The following RBFOX1 variants were observed in gnomAD, a reference collection of about 807,000 sequenced individuals.
The protein encoded by RBFOX1 is RNA binding fox-1 homolog 1.
A neutral mutation model predicts 57.7 loss-of-function variants in RBFOX1; 8 were observed. The ratio of observed to expected loss-of-function variants is 0.14; its 90% CI spans 0.08 to 0.25. RBFOX1 has a LOEUF of 0.25. Among genes scored for constraint, RBFOX1 ranks in the 10% least tolerant of loss-of-function variants. The pLI is 1.00. For synonymous variants in RBFOX1, 326 were observed against 222.4 expected (o/e 1.47, Z -4.15); for missense variants, 611 against 548.5 (o/e 1.11, Z -1.14).
At chr16:5,762,136 C>T (rs577082996) in intron 3 of RBFOX1, among the ~76,000 whole-genome samples, 1 of 152,266 alleles carries the variant, frequency 6.6e-6, no homozygotes, top group South Asian at 2.1e-4. Context: ...TGGCAAATAA[C>T]AAGCACTCAG....
rs949368381 is a variant in RBFOX1 at position 7,174,500 on chromosome 16, G to T, written c.27+122402G>T. Among the ~76,000 whole-genome samples, 6 of 152,192 alleles carry T rather than the reference G, an allele frequency of 3.9e-5. No homozygotes were observed. In the South Asian group the frequency reaches 6.2e-4, roughly 16 times the overall value. On this transcript the variant is annotated intron_variant, in intron 4 of 15. Coordinates refer to ENST00000550418, the MANE Select transcript of RBFOX1 (RefSeq NM_018723.4). Reference sequence around the variant, plus strand: ...TTGAGCTTAAGAAACCACTAAACTGGCTGGGCGCAGTGGCTCACACCTGCA... The same window carrying T: ...TTGAGCTTAAGAAACCACTAAACTGTCTGGGCGCAGTGGCTCACACCTGCA...
chr16:6,891,141 A>T (rs183031875), intron 3 of RBFOX1, among the ~76,000 whole-genome samples: 1 of 152,148 alleles, frequency 6.6e-6, no homozygotes, highest in Non-Finnish European at 1.5e-5. Flanking sequence ...GTTAAAGCCT[A>T]CTCATGTCTT....
At chr16:7,670,993 C>G (rs768762077) in intron 13 of RBFOX1, among the ~76,000 whole-genome samples, 4 of 152,210 alleles carry the variant, frequency 2.6e-5, no homozygotes, top group Non-Finnish European at 5.9e-5. Flanking sequence ...CTCATATATA[C>G]TCACAGTTCT....
intron 3 of RBFOX1, among the ~76,000 whole-genome samples, chr16:5,623,270 C>G (rs765345052): frequency 1.3e-5 from 2 of 152,126 alleles, no homozygotes; most frequent in African/African-American, 4.8e-5. Flanking sequence ...GGACAGGACT[C>G]TAGTGGATTT....
chr16:5,806,690 G>A (rs12925737), intron 3 of RBFOX1, among the ~76,000 whole-genome samples: 82,634 of 152,086 alleles, frequency 0.54, 23,613 homozygotes, highest in South Asian at 0.66. Context: ...GTCTTTGCCA[G>A]GGACTGTCAT....
intron 4 of RBFOX1, among the ~76,000 whole-genome samples, chr16:7,280,611 A>G (rs1307597456): frequency 6.6e-6 from 1 of 152,168 alleles, no homozygotes; most frequent in Non-Finnish European, 1.5e-5. Context: ...CTACCTTCGG[A>G]GAGCTCCGCA....
chr16:7,283,310 C>G (rs1025123736), intron 4 of RBFOX1, among the ~76,000 whole-genome samples: 1 of 151,888 alleles, frequency 6.6e-6, no homozygotes, highest in Admixed American at 6.6e-5. Flanking sequence ...GTCCCCCAAT[C>G]TGCCTCTGCA....
At chr16:7,231,274 G>C (rs1470492150) in intron 4 of RBFOX1, among the ~76,000 whole-genome samples, 1 of 152,130 alleles carries the variant, frequency 6.6e-6, no homozygotes, top group African/African-American at 2.4e-5. Context: ...GGCTTGGCTG[G>C]TTTGTCTTGT....
At chr16:5,270,504 G>C in intron 1 of RBFOX1, 1 of 671,502 alleles carries the variant, frequency 1.5e-6, no homozygotes, top group South Asian at 1.5e-5. Flanking sequence ...GACAAAATAT[G>C]TTCCATGGTT....
In RBFOX1 at chr16:5,773,943, C is replaced by A. The variant is rs150054868; in HGVS notation, c.319-93360C>A. Among the ~76,000 whole-genome samples, 39 of 152,278 alleles carry A rather than the reference C, an allele frequency of 2.6e-4. No individual in the cohort carries two copies. In the East Asian group the frequency reaches 7.1e-3, roughly 28 times the overall value. ...TACTGACCTCATGATCTGCCTGCCT[C>A]AGCCTCCCAAAGTGCTAGGATTATA... On this transcript the variant is annotated intron_variant, in intron 3 of 19. Transcript: ENST00000641259.
intron 2 of RBFOX1, among the ~76,000 whole-genome samples, chr16:6,371,641 G>A (rs970472415): frequency 6.6e-6 from 1 of 152,080 alleles, no homozygotes; most frequent in Non-Finnish European, 1.5e-5. Flanking sequence ...TTTCCACAGA[G>A]TAATCCTTCC....
At chr16:6,790,189 A>ATTATTG (rs1217743157) in intron 3 of RBFOX1, among the ~76,000 whole-genome samples, 2 of 146,342 alleles carry the variant, frequency 1.4e-5, no homozygotes, top group Non-Finnish European at 3.0e-5. Context: ...TATTATTATT[A>ATTATTG]TTATTATTAT....
rs4035897 is a variant in RBFOX1 at position 7,127,010 on chromosome 16, C to CAAAAA, written c.27+74927_27+74931dup. 2.1e-4 allele frequency among the ~76,000 whole-genome samples: 27 copies of CAAAAA among 129,180 alleles called. 1 individual carries two copies. The highest frequency in any genetic ancestry group is 7.0e-4 in the African/African-American group (24 of 34,282). 84.7% of individuals were successfully genotyped at this position (129,180 alleles called of 152,430 possible). ...GGCGTGACAGAGCGAGAATCCGTCT[C>CAAAAA]AAAAAAAAAAAAAAAAAAATTATTG... On this transcript the variant is annotated intron_variant, in intron 4 of 15. Coordinates refer to ENST00000550418, the MANE Select transcript of RBFOX1 (RefSeq NM_018723.4).
At chr16:6,190,977 G>A (rs1163534747) in intron 1 of RBFOX1, among the ~76,000 whole-genome samples, 4 of 151,990 alleles carry the variant, frequency 2.6e-5, no homozygotes, top group Non-Finnish European at 4.4e-5. Flanking sequence ...AATCCAGATC[G>A]GGCAGCCTCC....
chr16:7,630,765 C>T, intron 11 of RBFOX1, 82 bp downstream of exon 11: 1 of 1,571,324 alleles, frequency 6.4e-7, no homozygotes, highest in African/African-American at 1.4e-5. Flanking sequence ...AGTTCTCTCC[C>T]CCTCCCTCTG....
Position 5,908,129 on chromosome 16 carries a change from TATATACAC to T in RBFOX1, c.351+40800_351+40807del, listed in dbSNP as rs750844929. Among the ~76,000 whole-genome samples, 226 of 133,616 alleles carry T rather than the reference TATATACAC, an allele frequency of 1.7e-3. 13 individuals are homozygous for T. The highest frequency in any genetic ancestry group is 7.9e-3 in the African/African-American group (222 of 27,998). 87.7% of individuals were successfully genotyped at this position (133,616 alleles called of 152,430 possible). ...ATATATACACATATATACACATATA[TATATACAC>T]ATATATACACATATATACACATATA... On this transcript the variant is annotated intron_variant, in intron 4 of 19. Transcript: ENST00000641259.
intron 3 of RBFOX1, among the ~76,000 whole-genome samples, chr16:6,853,454 A>G (rs1246368868): frequency 2.6e-5 from 4 of 152,096 alleles, no homozygotes. Context: ...TTAAAAGGCA[A>G]ATCATCCTGA....
At chr16:5,669,838 T>G (rs2049963475) in intron 3 of RBFOX1, among the ~76,000 whole-genome samples, 2 of 152,230 alleles carry the variant, frequency 1.3e-5, no homozygotes, top group Non-Finnish European at 2.9e-5. Flanking sequence ...GGCCCAGCAA[T>G]TCTTTTGTCA....
intron 3 of RBFOX1, among the ~76,000 whole-genome samples, chr16:6,921,072 T>C (rs1049838945): frequency 1.3e-5 from 2 of 152,146 alleles, no homozygotes; most frequent in Non-Finnish European, 2.9e-5. Context: ...AGGTGTTGGT[T>C]TGAGCTCCTG....
Sources: gnomAD v4.1 joint callset for allele counts (sites outside exome capture counted in the v4.1 genomes callset) on GRCh38, gnomAD v4.1.1 for gene constraint, MANE v1.5 for transcripts, NCBI Gene and HGNC (gene_info 2026-07-23, HGNC 2026-07-21) for gene names.